PLIN4: variants seen among roughly 807,000 people sequenced by gnomAD.
PLIN4 encodes the protein perilipin 4, also known as perilipin-4.
PLIN4 carries 57 observed loss-of-function variants against 52.4 expected under a neutral mutation model. The ratio of observed to expected loss-of-function variants is 1.09; its 90% confidence interval spans 0.88 to 1.36. The LOEUF is 1.36. Ranked by LOEUF, PLIN4 falls within the 40% of genes most tolerant of loss-of-function variation. The pLI is 0.00. For missense variants in PLIN4, 1,757 were observed against 1,770.3 expected, an observed-to-expected ratio of 0.99 and a Z score of 0.13; for synonymous variants, 826 against 785.4, an observed-to-expected ratio of 1.05 and a Z score of -0.86.
Position 4,510,343 on chromosome 19 carries a change from G to A in PLIN4, c.3514+103C>T, listed in dbSNP as rs1164727509. The stretch of plus-strand genomic sequence containing the variant: ...ATCACGCCACTGCACTCCAGCCTGG[G>A]CAACAGAGCACGACTCTGTCTCAAA... On this transcript the variant is annotated intron_variant, in intron 5 of 7. Coordinates refer to ENST00000301286, the MANE Select transcript of PLIN4 (RefSeq NM_001367868.2). 3.3e-6 allele frequency: 4 copies of A among 1,221,946 alleles called. No individual in the cohort carries two copies. The East Asian group carries it at 9.2e-5, about 28-fold the overall frequency. The allele number at this position is 1,221,946 out of a possible 1,614,324, so 75.7% of individuals were successfully genotyped here. A position where few individuals can be genotyped will look rare whatever the true frequency, so the allele number is the denominator to read the frequency against.
intron 6 of PLIN4, among the ~76,000 whole-genome samples, chr19:4,506,218 C>G (rs1976088316): frequency 6.6e-6 from 1 of 152,194 alleles, no homozygotes; most frequent in Non-Finnish European, 1.5e-5. Context: ...CCAGGTCCGG[C>G]CCAACCTGCC....
intron 4 of PLIN4, 139 bp downstream of exon 4, chr19:4,516,478 C>T (rs756048804): frequency 3.9e-5 from 40 of 1,030,148 alleles, no homozygotes; most frequent in Non-Finnish European, 5.3e-5. Flanking sequence ...CCCTCAGGCC[C>T]ACAGCAGCCC....
At position 4,510,436 on chromosome 19, in the gene PLIN4, G is replaced by T; in HGVS notation, c.3514+10C>A. The T allele has an allele frequency of 1.4e-6, 2 of 1,394,884 alleles. No homozygotes were observed. The highest frequency in any genetic ancestry group is 1.9e-6 in the Non-Finnish European group (2 of 1,069,730). The allele number at this position is 1,394,884 out of a possible 1,614,324, so 86.4% of individuals were successfully genotyped here. On this transcript the variant is annotated intron_variant, in intron 5 of 7. Transcript: ENST00000301286. ...GCCTCAGGGACCCATGAACCCAGGC[G>T]TCCCCTCACCTTGCTCCTCCGCATT...
In PLIN4 at chr19:4,504,435, C is replaced by A. The variant is rs754504102; in HGVS notation, c.*24G>T. The A allele has an allele frequency of 6.6e-7, 1 of 1,515,268 alleles. No homozygotes were observed. The highest frequency in any genetic ancestry group is 8.8e-7 in the Non-Finnish European group (1 of 1,131,952). The allele number at this position is 1,515,268 out of a possible 1,614,324, so 93.9% of individuals were successfully genotyped here. A position where few individuals can be genotyped will look rare whatever the true frequency, so the allele number is the denominator to read the frequency against. ...CCCTGGACAGAGCAGGGCGACCCCG[C>A]GCCGGGCCTGCAGGCTCCTACAGCT... On this transcript the variant is annotated 3_prime_UTR_variant, in exon 8 of 8. Transcript: ENST00000301286.
chr19:4,504,952 A>T lies in PLIN4; in HGVS notation c.3703-5T>A, dbSNP rs1475033807. On this transcript the variant is annotated splice_polypyrimidine_tract_variant and splice_region_variant and intron_variant, in intron 6 of 7. Coordinates refer to ENST00000301286, the MANE Select transcript of PLIN4 (RefSeq NM_001367868.2). ...AGCCTGCTGGGCCTTTTCAATCTGG[A>T]GAGAGAGTACAGTGGGGAAATGATG... The T allele has an allele frequency of 6.3e-7, 1 of 1,598,586 alleles. No homozygotes were observed. Among genetic ancestry groups the T allele is most frequent in the Admixed American group, 1.7e-5 (1 of 57,926 alleles).
Position 4,512,823 on chromosome 19 carries a change from G to T in PLIN4, c.1137C>A (p.Asn379Lys), listed in dbSNP as rs202064997. The change falls in exon 5 of 8, where the codon AAC becomes AAA. Residue 379 changes from asparagine to lysine, a missense_variant. Around this residue, in one of 7 missense-constraint regions of PLIN4, gnomAD observed 439 missense variants for 406.4 expected, o/e 1.08. Transcript: ENST00000301286. ...TVCSGVTGAV[N>K]LAKEAIQGGL... ...CCCCCTGGATGGCCTCTTTGGCCAA[G>T]TTCACGGCACCGGTCACCCCACTGC... 3 of 1,556,922 alleles carry T rather than the reference G, an allele frequency of 1.9e-6. 1 individual carries two copies. The African/African-American group carries it at 6.4e-5, about 33-fold the overall frequency.
intron 4 of PLIN4, among the ~76,000 whole-genome samples, chr19:4,516,195 G>A (rs1261576373): frequency 6.6e-6 from 1 of 152,182 alleles, no homozygotes; most frequent in Admixed American, 6.5e-5. Flanking sequence ...CAGGAGAATC[G>A]CTTGAACCTG....
At position 4,511,987 on chromosome 19, in the gene PLIN4, T is replaced by G. The variant is rs1298275008; in HGVS notation, c.1973A>C (p.Asn658Thr). Residue 658 changes from asparagine (N) to threonine (T), a missense_variant, in exon 5 of 8, where the codon AAT (asparagine) becomes ACT (threonine). Physicochemically the swap from Asn to Thr is moderately conservative, Grantham distance 65 (BLOSUM62 0). Transcript: ENST00000301286. ...GGTGTTCTTTGTACCTGTCGCGATA[T>G]TTTGGGTCGTTTTCAGCCCAGTTTG... The part of the protein sequence containing the change: ...AVQTGLKTTQ[N>T]IATGTKNTFG... 1.9e-6 allele frequency: 3 copies of G among 1,602,786 alleles called. No homozygotes were observed. Among genetic ancestry groups the G allele is most frequent in the Non-Finnish European group, 2.6e-6 (3 of 1,175,914 alleles).
At chr19:4,505,325 C>A (rs995106196) in intron 6 of PLIN4, among the ~76,000 whole-genome samples, 1 of 152,202 alleles carries the variant, frequency 6.6e-6, no homozygotes, top group African/African-American at 2.4e-5. Flanking sequence ...TGAGGCCACA[C>A]TGGCTCCATT....
At chr19:4,516,486 C>T in intron 4 of PLIN4, 131 bp downstream of exon 4, 2 of 1,088,264 alleles carry the variant, frequency 1.8e-6, no homozygotes, top group South Asian at 1.5e-5. Flanking sequence ...CCCACAGCAG[C>T]CCCCCAGATA....
chr19:4,504,556 G>A lies in PLIN4; in HGVS notation c.4019C>T (p.Ala1340Val). 2 of 1,605,730 alleles carry A rather than the reference G, an allele frequency of 1.2e-6. No homozygotes were observed. Among genetic ancestry groups the A allele is most frequent in the Non-Finnish European group, 8.5e-7 (1 of 1,178,046 alleles). The change falls in exon 8 of 8, where the codon GCT becomes GTT. Residue 1340 changes from alanine (A) to valine (V), a missense_variant. Physicochemically the swap from Ala to Val is moderately conservative, Grantham distance 64. Around this residue, in one of 7 missense-constraint regions of PLIN4, gnomAD observed 712 missense variants for 637.1 expected, o/e 1.12. Transcript: ENST00000301286. ...CAGCAGCTGCTCTAACCCCTGCCAA[G>A]CCTGGTGCACACCCTCGCGGCTCTG... Reference protein sequence around the residue: ...LVQSREGVHQAWQGLEQLLEG... With the variant: ...LVQSREGVHQVWQGLEQLLEG...
Position 4,502,251 on chromosome 19 carries a change from G to C in PLIN4, c.*2208C>G, listed in dbSNP as rs1344933258. On this transcript the variant is annotated 3_prime_UTR_variant, in exon 8 of 8. Transcript: ENST00000301286. ...TTGGTTTTCTAGCATTGCTGGTGCAGTGGGGGCCTGAGCTGGGGCGCAGGC... is the reference window on the plus strand; with the variant it reads ...TTGGTTTTCTAGCATTGCTGGTGCACTGGGGGCCTGAGCTGGGGCGCAGGC... 33 of 600,354 alleles carry C rather than the reference G, an allele frequency of 5.5e-5. No individual in the cohort carries two copies. The Admixed American group carries it at 8.4e-4, about 15-fold the overall frequency. 37.2% of individuals were successfully genotyped at this position (600,354 alleles called of 1,614,324 possible).
rs1976387933 is a variant in PLIN4, at chr19:4,511,956, GC to G, written c.2003del (p.Gly668AlafsTer4). On this transcript the variant is annotated frameshift_variant, in exon 5 of 8. Transcript: ENST00000301286. LOFTEE classifies it high-confidence loss of function. ...CATTCACAGCACTGGTCACCCCACT[GC>G]CAAAGGTGTTCTTTGTACCTGTCGC... is the stretch of plus-strand genomic sequence containing the variant. ...NIATGTKNTF[G>X]SGVTSAVNVA... 20 of 1,602,852 alleles carry G rather than the reference GC, an allele frequency of 1.2e-5. No homozygotes were observed. Among genetic ancestry groups the G allele is most frequent in the African/African-American group, 5.5e-5 (4 of 73,298 alleles).
Position 4,512,625 on chromosome 19 carries a change from A to G in PLIN4, c.1335T>C (p.Asn445=), listed in dbSNP as rs57042059. The change falls in exon 5 of 8, where the codon AAT becomes AAC. Residue 445 remains asparagine, a synonymous_variant. Coordinates refer to ENST00000301286, the MANE Select transcript of PLIN4 (RefSeq NM_001367868.2). ...TVCSGVTGAM[N]LARGTIQTGV... is the part of the protein sequence containing the mutation. ...CTGTCTGGATGGTTCCTCTGGCCAAATTCATGGCACCAGTCACCCCACTGC... is the reference window on the plus strand; with the variant it reads ...CTGTCTGGATGGTTCCTCTGGCCAAGTTCATGGCACCAGTCACCCCACTGC... 46,791 of 1,569,808 alleles carry G rather than the reference A, an allele frequency of 0.03. 9,061 individuals carry two copies. In the African/African-American group the frequency reaches 0.48, roughly 16 times the overall value.
chr19:4,504,473 C>T lies in PLIN4; in HGVS notation c.4102G>A (p.Ala1368Thr), dbSNP rs773116537. The T allele has an allele frequency of 5.7e-6, 9 of 1,578,906 alleles. No individual in the cohort carries two copies. Among genetic ancestry groups the T allele is most frequent in the South Asian group, 1.1e-5 (1 of 88,748 alleles). The change falls in exon 8 of 8, where the codon GCT (alanine) becomes ACT (threonine). Residue 1368 changes from alanine (A) to threonine (T), a missense_variant. Transcript: ENST00000301286. ...SWLVGPFALP[A>T]GGQ is the part of the protein sequence containing the mutation. ...GGCTCCTACAGCTACTGCCCGCCAG[C>T]GGGCAAGGCGAAGGGCCCTACCAGC...
intron 6 of PLIN4, among the ~76,000 whole-genome samples, chr19:4,505,535 C>T (rs937201322): frequency 6.6e-6 from 1 of 152,184 alleles, no homozygotes; most frequent in Non-Finnish European, 1.5e-5. Context: ...CTCGGGAGCA[C>T]AGCGTGCGGC....
At chr19:4,508,703 G>A (rs1976174966) in intron 6 of PLIN4, 65 bp downstream of exon 6, 8 of 1,468,616 alleles carry the variant, frequency 5.4e-6, no homozygotes, top group Non-Finnish European at 7.3e-6. Context: ...GCAGCTGGGT[G>A]AGTCCTGGGC....
At position 4,512,047 on chromosome 19, in the gene PLIN4, A is replaced by G. The variant is rs1395672095; in HGVS notation, c.1913T>C (p.Val638Ala). 6.2e-7 allele frequency: 1 copy of G among 1,611,142 alleles called. No individual in the cohort carries two copies. Among genetic ancestry groups the G allele is most frequent in the Non-Finnish European group, 8.5e-7 (1 of 1,179,568 alleles). Residue 638 changes from valine (V) to alanine (A), a missense_variant, in exon 5 of 8, where the codon GTC becomes GCC. Physicochemically the swap from Val to Ala is moderately conservative, Grantham distance 64. Coordinates refer to ENST00000301286, the MANE Select transcript of PLIN4 (RefSeq NM_001367868.2). ...TGTKDTIYSG[V>A]TSAVNVAKGA... is the part of the protein sequence containing the mutation. Reference sequence around the variant, plus strand: ...CTTGGCCACGTTCACGGCACTGGTGACCCCACTGTAGATGGTGTCCTTGGT... The same window carrying G: ...CTTGGCCACGTTCACGGCACTGGTGGCCCCACTGTAGATGGTGTCCTTGGT...
intron 4 of PLIN4, 61 bp downstream of exon 4, chr19:4,516,556 G>A (rs1005831291): frequency 2.0e-5 from 30 of 1,535,396 alleles, no homozygotes; most frequent in East Asian, 4.9e-5. Flanking sequence ...CTGAAATGTC[G>A]CAGGAGGGGG....
Sources: allele counts gnomAD v4.1 joint callset (sites outside exome capture counted in the v4.1 genomes callset), GRCh38; gene constraint gnomAD v4.1.1; regional missense constraint gnomAD v4.1.1; transcripts MANE v1.5; gene names NCBI Gene and HGNC (gene_info 2026-07-23, HGNC 2026-07-21).